Variants in PARP12 observed in about 807,000 individuals in gnomAD.
PARP12 encodes poly(ADP-ribose) polymerase family member 12.
Under a neutral mutation model 72.4 loss-of-function variants are expected in PARP12, and 59 were observed. That is an observed-to-expected ratio of 0.81 (90% CI 0.66 to 1.01). The LOEUF (loss-of-function observed/expected upper bound fraction) is 1.01. Among genes scored for constraint, PARP12 ranks in the 50% least tolerant of loss-of-function variants. The pLI is 0.00. For missense variants in PARP12, 851 were observed against 914.0 expected, an observed-to-expected ratio of 0.93 and a Z score of 0.89; for synonymous variants, 403 against 371.4, an observed-to-expected ratio of 1.09 and a Z score of -0.98.
At chr7:140,034,395 T>C in intron 7 of PARP12, 64 bp from the exon 8 acceptor site, 1 of 1,339,426 alleles carries the variant, frequency 7.5e-7, no homozygotes. Flanking sequence ...AGGATGGCAA[T>C]GTTTTATAAA....
intron 1 of PARP12, among the ~76,000 whole-genome samples, chr7:140,061,962 G>C (rs1359290499): frequency 3.9e-5 from 5 of 127,536 alleles, no homozygotes; most frequent in Admixed American, 8.2e-5. Context: ...TCCCAGAAAT[G>C]CCCAGGCTCC....
At chr7:140,040,704 A>G (rs976047197) in intron 6 of PARP12, among the ~76,000 whole-genome samples, 5 of 152,210 alleles carry the variant, frequency 3.3e-5, no homozygotes, top group Non-Finnish European at 5.9e-5. Flanking sequence ...TGAAACCCAG[A>G]AGAGTACAAA....
rs566634515 is a variant in PARP12 at position 140,045,518 on chromosome 7, G to A, written c.986+1366C>T. 2.0e-5 allele frequency among the ~76,000 whole-genome samples: 3 copies of A among 152,328 alleles called. No homozygotes were observed. The East Asian group carries it at 5.8e-4, about 29-fold the overall frequency. On this transcript the variant is annotated intron_variant, in intron 5 of 11. Coordinates refer to ENST00000263549, the MANE Select transcript of PARP12 (RefSeq NM_022750.4). ...TAGTAAATAAGTTTGAATGAAACTA[G>A]TCAGAATTCAAGTGTCCAAGGTTCT...
rs80256503 is a variant in PARP12, at chr7:140,025,172, C to T, written c.1781-287G>A. The T allele has an allele frequency of 4.2e-3, 1,786 of 423,840 alleles. 5 individuals carry two copies. Among genetic ancestry groups the T allele is most frequent in the Non-Finnish European group, 5.9e-3 (1,350 of 227,380 alleles). The allele number at this position is 423,840 out of a possible 1,614,324, so 26.3% of individuals were successfully genotyped here. On this transcript the variant is annotated intron_variant, in intron 11 of 11. Transcript: ENST00000263549. ...CACGAAACCTAAAGGCCTGTGGACA[C>T]GTCACTACTTAATCCCCCAAACCTC...
intron 10 of PARP12, 34 bp downstream of exon 10, chr7:140,027,242 G>A (rs745684080): frequency 5.0e-6 from 8 of 1,605,776 alleles, no homozygotes; most frequent in Middle Eastern, 1.8e-4. Context: ...AAGGGACAGA[G>A]TCACCAGCCC....
chr7:140,054,871 C>CAAAG, intron 3 of PARP12, 108 bp from the exon 4 acceptor site: 1 of 910,976 alleles, frequency 1.1e-6, no homozygotes, highest in Non-Finnish European at 1.7e-6. Flanking sequence ...CGCAAGCTCA[C>CAAAG]AAAGCCCTAT....
At chr7:140,025,819 A>G (rs1200636101) in intron 11 of PARP12, among the ~76,000 whole-genome samples, 1 of 152,270 alleles carries the variant, frequency 6.6e-6, no homozygotes, top group Non-Finnish European at 1.5e-5. Flanking sequence ...ACATGTTTAC[A>G]TGAGTATCTC....
chr7:140,039,926 G>A (rs905054123), intron 6 of PARP12, among the ~76,000 whole-genome samples: 2 of 152,152 alleles, frequency 1.3e-5, no homozygotes, highest in Non-Finnish European at 2.9e-5. Flanking sequence ...CAGAGGAAGA[G>A]GAGCACAGGA....
chr7:140,037,710 G>T lies in PARP12; in HGVS notation c.1324+5C>A. ...TCTGCTGGGCGAGGGCAGGGCACAG[G>T]ATACCTTTGAAATCTAACTCGTAGT... On this transcript the variant is annotated splice_donor_5th_base_variant and intron_variant, in intron 7 of 11. Transcript: ENST00000263549. 1 of 1,613,964 alleles carries T rather than the reference G, an allele frequency of 6.2e-7. No individual in the cohort carries two copies. Among genetic ancestry groups the T allele is most frequent in the Non-Finnish European group, 8.5e-7 (1 of 1,179,864 alleles).
In PARP12 at chr7:140,027,175, T is replaced by C. The variant is rs960125382; in HGVS notation, c.1628+101A>G. On this transcript the variant is annotated intron_variant, in intron 10 of 11. Coordinates refer to ENST00000263549, the MANE Select transcript of PARP12 (RefSeq NM_022750.4). Reference sequence around the variant, plus strand: ...GCTCCCAGCACATGGCAGCCCTAACTGCCGCTCTGCTTTTCCTGGAAACCC... The same window carrying C: ...GCTCCCAGCACATGGCAGCCCTAACCGCCGCTCTGCTTTTCCTGGAAACCC... The C allele has an allele frequency of 4.7e-6, 7 of 1,489,048 alleles. No individual in the cohort carries two copies. Among genetic ancestry groups the C allele is most frequent in the African/African-American group, 4.2e-5 (3 of 71,598 alleles). 92.2% of individuals were successfully genotyped at this position (1,489,048 alleles called of 1,614,324 possible).
At chr7:140,025,584 T>A (rs1182398421) in intron 11 of PARP12, 1 of 456,042 alleles carries the variant, frequency 2.2e-6, no homozygotes, top group South Asian at 1.6e-5. Flanking sequence ...GCCACCTACC[T>A]GAAAATGGTG....
At chr7:140,035,755 C>T (rs1030401041) in intron 7 of PARP12, among the ~76,000 whole-genome samples, 7 of 151,812 alleles carry the variant, frequency 4.6e-5, no homozygotes, top group Non-Finnish European at 8.8e-5. Flanking sequence ...TTGAGACTTG[C>T]TTTATACTTA....
At chr7:140,031,199 C>T (rs1815927580) in intron 8 of PARP12, among the ~76,000 whole-genome samples, 1 of 151,912 alleles carries the variant, frequency 6.6e-6, no homozygotes, top group Admixed American at 6.6e-5. Context: ...ATGGTGAGAC[C>T]CTGTCTCCAC....
chr7:140,054,556 C>T (rs1011867409), intron 4 of PARP12, 106 bp downstream of exon 4: 16 of 924,272 alleles, frequency 1.7e-5, no homozygotes, highest in South Asian at 6.2e-5. Flanking sequence ...TGATCCTCTC[C>T]GGATGGGGTA....
Position 140,046,972 on chromosome 7 carries a change from G to A in PARP12, c.898C>T (p.Arg300Ter), listed in dbSNP as rs749021966. The change falls in exon 5 of 12, where the codon CGA becomes TGA. Residue 300 changes from arginine to a stop codon, truncating the protein, a stop_gained. Transcript: ENST00000263549. LOFTEE classifies it high-confidence loss of function. ...TTGCCTCTATCCAAGAATTGCCATC[G>A]ATACGGCAAATGGAAATGAACTCTA... ...CHRVHFHLPY[R>*]WQFLDRGKWE... 12 of 1,613,704 alleles carry A rather than the reference G, an allele frequency of 7.4e-6. No homozygotes were observed. Among genetic ancestry groups the A allele is most frequent in the Non-Finnish European group, 9.3e-6 (11 of 1,179,898 alleles).
intron 4 of PARP12, among the ~76,000 whole-genome samples, chr7:140,053,287 C>T (rs1003424244): frequency 6.6e-6 from 1 of 152,110 alleles, no homozygotes; most frequent in Non-Finnish European, 1.5e-5. Flanking sequence ...GATTGATATG[C>T]CAGCATGACT....
At chr7:140,049,579 A>G (rs998317736) in intron 4 of PARP12, among the ~76,000 whole-genome samples, 4 of 152,182 alleles carry the variant, frequency 2.6e-5, no homozygotes, top group Non-Finnish European at 5.9e-5. Context: ...CTGAGACAGG[A>G]TCTCCCTGCA....
intron 6 of PARP12, among the ~76,000 whole-genome samples, chr7:140,040,971 T>C (rs950381001): frequency 2.6e-5 from 4 of 152,206 alleles, no homozygotes; most frequent in Non-Finnish European, 5.9e-5. Flanking sequence ...TTTCACCATG[T>C]TGGCCAGGCT....
In PARP12 at chr7:140,046,037, G is replaced by GT. The variant is rs138597758; in HGVS notation, c.986+846dup. Among the ~76,000 whole-genome samples, 612 of 152,296 alleles carry GT rather than the reference G, an allele frequency of 4.0e-3. 7 individuals carry two copies. Among genetic ancestry groups the GT allele is most frequent in the African/African-American group, 0.014 (573 of 41,560 alleles). ...GGAGATGGGGTGAGGAAAATGATCC[G>GT]TATCTCAATCAGAATGCTGGCTACA... is the stretch of plus-strand genomic sequence containing the variant. On this transcript the variant is annotated intron_variant, in intron 5 of 11. Coordinates refer to ENST00000263549, the MANE Select transcript of PARP12 (RefSeq NM_022750.4).
Sources: gnomAD v4.1 joint callset for allele counts (sites outside exome capture counted in the v4.1 genomes callset) on GRCh38, gnomAD v4.1.1 for gene constraint, MANE v1.5 for transcripts, NCBI Gene and HGNC (gene_info 2026-07-23, HGNC 2026-07-21) for gene names.